The following MYH10 variants were observed in gnomAD, a reference collection of about 807,000 sequenced individuals.
The protein encoded by MYH10 is myosin heavy chain 10.
A neutral mutation model predicts 257.8 loss-of-function variants in MYH10; 55 were observed. The ratio of observed to expected loss-of-function variants is 0.21; its 90% CI spans 0.17 to 0.27. MYH10 has a LOEUF of 0.27. Ranked by LOEUF, MYH10 falls within the 10% of genes least tolerant of loss-of-function variation. The pLI is 1.00. For synonymous variants in MYH10, 854 were observed against 921.7 expected, an observed-to-expected ratio of 0.93 and a Z score of 1.33; for missense variants, 1,631 against 2,500.6, an observed-to-expected ratio of 0.65 and a Z score of 7.42.
At chr17:8,617,257 C>T (rs763708787) in intron 2 of MYH10, among the ~76,000 whole-genome samples, 3 of 152,126 alleles carry the variant, frequency 2.0e-5, no homozygotes, top group Non-Finnish European at 4.4e-5. Flanking sequence ...CCTAGGTTCT[C>T]TCCCCACCAT....
At position 8,623,039 on chromosome 17, in the gene MYH10, T is replaced by C. The variant is rs1410474142; in HGVS notation, c.208A>G (p.Met70Val). 3 of 1,614,182 alleles carry C rather than the reference T, an allele frequency of 1.9e-6. No homozygotes were observed. Among genetic ancestry groups the C allele is most frequent in the Non-Finnish European group, 1.7e-6 (2 of 1,180,036 alleles). Residue 70 changes from methionine to valine, a missense_variant, in exon 2 of 43, where the codon ATG becomes GTG. Physicochemically the swap from Met to Val is conservative, Grantham distance 21. Around this residue, in one of 11 missense-constraint regions of MYH10, gnomAD observed 360 missense variants for 581.9 expected, o/e 0.62. Transcript: ENST00000360416. ...TTCTGAATATCATCTTTGTTGACCA[T>C]TGCTTTCTTTCCATTCTCTGCCAAC... ...VELAENGKKA[M>V]VNKDDIQKMN...
chr17:8,600,847 T>G (rs1175937149), intron 3 of MYH10, among the ~76,000 whole-genome samples: 1 of 152,136 alleles, frequency 6.6e-6, no homozygotes. Context: ...CTTCACTAAA[T>G]GGACTCATAC....
chr17:8,530,682 A>G lies in MYH10; in HGVS notation c.1898T>C (p.Ile633Thr). The G allele has an allele frequency of 6.5e-7, 1 of 1,549,406 alleles. No individual in the cohort carries two copies. The highest frequency in any genetic ancestry group is 8.7e-7 in the Non-Finnish European group (1 of 1,146,354). ...GAAAGAAGCTCTCTGAATATTCTGAATCTCTAAAGCAGAGAAACAGCAAAA... is the reference window on the plus strand; with the variant it reads ...GAAAGAAGCTCTCTGAATATTCTGAGTCTCTAAAGCAGAGAAACAGCAAAA... The part of the protein sequence containing the change: ...RFVAELWKDE[I>T]QNIQRASFYD... Residue 633 changes from isoleucine (I) to threonine (T), a missense_variant, in exon 17 of 43, where the codon ATT becomes ACT. By Grantham distance (89) the Ile-to-Thr change is moderately conservative. Transcript: ENST00000360416.
At chr17:8,604,744 G>A (rs1024082626) in intron 3 of MYH10, 82 bp downstream of exon 3, 5 of 1,018,520 alleles carry the variant, frequency 4.9e-6, no homozygotes, top group East Asian at 2.9e-5. Flanking sequence ...TTTAACTTTT[G>A]TAGAATACAT....
intron 17 of MYH10, among the ~76,000 whole-genome samples, chr17:8,524,749 C>G (rs2081784295): frequency 6.6e-6 from 1 of 152,212 alleles, no homozygotes; most frequent in Non-Finnish European, 1.5e-5. Context: ...CACCTTTTGT[C>G]CCTGTGTAAT....
chr17:8,514,007 A>G, intron 21 of MYH10, 113 bp from the exon 22 acceptor site: 1 of 911,170 alleles, frequency 1.1e-6, no homozygotes, highest in African/African-American at 1.7e-5. Flanking sequence ...ATAGGGAATG[A>G]TTGCATCAAT....
intron 7 of MYH10, among the ~76,000 whole-genome samples, chr17:8,568,303 C>A (rs2083227911): frequency 6.6e-6 from 1 of 152,176 alleles, no homozygotes; most frequent in African/African-American, 2.4e-5. Context: ...GTTTATGCTG[C>A]TCCCAGTCTG....
chr17:8,502,394 C>T (rs1376951903), intron 28 of MYH10, among the ~76,000 whole-genome samples: 1 of 151,870 alleles, frequency 6.6e-6, no homozygotes, highest in African/African-American at 2.4e-5. Flanking sequence ...CTGGTCCTGT[C>T]CTCTGCAAGG....
chr17:8,476,808 C>G, intron 42 of MYH10, 68 bp downstream of exon 42: 1 of 1,522,614 alleles, frequency 6.6e-7, no homozygotes, highest in Non-Finnish European at 8.8e-7. Context: ...CTCTGACCAG[C>G]TGCACCCCGA....
intron 21 of MYH10, among the ~76,000 whole-genome samples, chr17:8,517,875 A>G (rs2081519431): frequency 1.3e-5 from 2 of 151,680 alleles, no homozygotes; most frequent in African/African-American, 2.4e-5. Flanking sequence ...ATGCTGCCAG[A>G]CTCTTGCCAG....
rs918075930 is a variant in MYH10, at chr17:8,475,168, C to T, written c.*636G>A. ...CACATGAGTAGATGCGGGACACCAT[C>T]GACTCGAGGGGCAGGGCCCCCCTTG... On this transcript the variant is annotated 3_prime_UTR_variant, in exon 43 of 43. Coordinates refer to ENST00000360416, the MANE Select transcript of MYH10 (RefSeq NM_001256012.3). 2.0e-5 allele frequency: 3 copies of T among 152,956 alleles called. No individual in the cohort carries two copies. Among genetic ancestry groups the T allele is most frequent in the Admixed American group, 1.3e-4 (2 of 15,346 alleles). The allele number at this position is 152,956 out of a possible 1,614,324, so 9.5% of individuals were successfully genotyped here. A position where few individuals can be genotyped will look rare whatever the true frequency, so the allele number is the denominator to read the frequency against.
At chr17:8,521,369 G>A (rs541736498) in intron 17 of MYH10, 84 bp from the exon 18 acceptor site, 2 of 1,413,244 alleles carry the variant, frequency 1.4e-6, no homozygotes, top group Admixed American at 3.6e-5. Context: ...AAGTGCAGCA[G>A]CACAAGCTTT....
At chr17:8,509,140 C>T (rs146986035) in intron 25 of MYH10, among the ~76,000 whole-genome samples, 106 of 152,212 alleles carry the variant, frequency 7.0e-4, no homozygotes, top group African/African-American at 2.2e-3. Context: ...TCATTTTTAC[C>T]GTACCTTTTC....
At chr17:8,581,134 T>G (rs1302561065) in intron 4 of MYH10, among the ~76,000 whole-genome samples, 1 of 150,652 alleles carries the variant, frequency 6.6e-6, no homozygotes, top group Non-Finnish European at 1.5e-5. Context: ...GGGGAGGGAG[T>G]GGCGAGAGAG....
At position 8,481,305 on chromosome 17, in the gene MYH10, G is replaced by A. The variant is rs377143966; in HGVS notation, c.5264+17C>T. 44 of 1,612,402 alleles carry A rather than the reference G, an allele frequency of 2.7e-5. No individual in the cohort carries two copies. Among genetic ancestry groups the A allele is most frequent in the East Asian group, 4.5e-5 (2 of 44,880 alleles). On this transcript the variant is annotated intron_variant, in intron 38 of 42. Transcript: ENST00000360416. ...GCCTGAGGGCGAAGAACCCACCCCCGGCCGTGGGAGACTCACTTGCCAGAG... is the reference window on the plus strand; with the variant it reads ...GCCTGAGGGCGAAGAACCCACCCCCAGCCGTGGGAGACTCACTTGCCAGAG...
chr17:8,521,396 G>A, intron 17 of MYH10, 111 bp from the exon 18 acceptor site: 3 of 1,148,538 alleles, frequency 2.6e-6, no homozygotes, highest in South Asian at 1.4e-5. Flanking sequence ...CAAATGACAG[G>A]AGATGCCATA....
intron 16 of MYH10, among the ~76,000 whole-genome samples, chr17:8,532,775 G>A (rs2082039980): frequency 1.3e-5 from 2 of 152,146 alleles, no homozygotes; most frequent in African/African-American, 4.8e-5. Flanking sequence ...TGGGAGGCAG[G>A]GGACATGTCT....
intron 2 of MYH10, among the ~76,000 whole-genome samples, chr17:8,618,572 T>C (rs2085350686): frequency 6.6e-6 from 1 of 152,204 alleles, no homozygotes; most frequent in African/African-American, 2.4e-5. Flanking sequence ...TTAGATGTAG[T>C]GTAGCATCTG....
chr17:8,622,340 C>T (rs960891722), intron 2 of MYH10, among the ~76,000 whole-genome samples: 1 of 152,196 alleles, frequency 6.6e-6, no homozygotes. Context: ...GTGACAAAGT[C>T]GGTGACTCCA....
Sources: gnomAD v4.1 joint callset for allele counts (sites outside exome capture counted in the v4.1 genomes callset) on GRCh38, gnomAD v4.1.1 for gene constraint, gnomAD v4.1.1 regional missense constraint, MANE v1.5 for transcripts, NCBI Gene and HGNC (gene_info 2026-07-23, HGNC 2026-07-21) for gene names.